PCYT1B: variants seen among roughly 807,000 people sequenced by gnomAD.
PCYT1B encodes the protein phosphate cytidylyltransferase 1B, choline, also known as choline-phosphate cytidylyltransferase B.
In PCYT1B, 10 loss-of-function variants were observed where a neutral mutation model predicts 26.4. The observed-to-expected ratio is 0.38, with a 90% CI of 0.23 to 0.64. The LOEUF (loss-of-function observed/expected upper bound fraction) is 0.64, where lower values mean the gene tolerates loss of function less well. Ranked by LOEUF, PCYT1B falls within the 30% of genes least tolerant of loss-of-function variation. The pLI is 0.56. For missense variants in PCYT1B, 161 were observed against 292.7 expected (o/e 0.55, Z 3.28); for synonymous variants, 131 against 108.4 (o/e 1.21, Z -1.29).
intron 1 of PCYT1B, among the ~76,000 whole-genome samples, chrX:24,668,263 TTA>T (rs1037350886): frequency 1.8e-5 from 2 of 111,479 alleles, no homozygotes; most frequent in African/African-American, 6.5e-5. Context: ...GCTGAAAGAT[TTA>T]GTTTCCAAAG....
chrX:24,613,950 CAAAAAAA>C (rs200062439), intron 2 of PCYT1B, among the ~76,000 whole-genome samples: 2 of 77,218 alleles, frequency 2.6e-5, no homozygotes, highest in East Asian at 3.9e-4. Context: ...AACAACCTGT[CAAAAAAA>C]AAAAAAAAAA....
intron 3 of PCYT1B, among the ~76,000 whole-genome samples, chrX:24,604,856 T>C (rs1265152730): frequency 8.9e-6 from 1 of 112,078 alleles, no homozygotes; most frequent in African/African-American, 3.2e-5. Context: ...GTCATCCAAG[T>C]AGTTCAATAT....
chrX:24,633,120 G>A (rs1397676726), intron 1 of PCYT1B, among the ~76,000 whole-genome samples: 1 of 97,970 alleles, frequency 1.0e-5, no homozygotes, highest in African/African-American at 3.8e-5. Flanking sequence ...TGAGGCAAGA[G>A]AATCACTTGA....
chrX:24,595,708 C>T (rs1490604316), intron 3 of PCYT1B, among the ~76,000 whole-genome samples: 1 of 109,823 alleles, frequency 9.1e-6, no homozygotes, highest in Non-Finnish European at 1.9e-5. Flanking sequence ...GGTGAAACCC[C>T]GTCTCTACTA....
chrX:24,562,066 G>C lies in PCYT1B; in HGVS notation c.*227C>G, dbSNP rs1189920406. 8.3e-7 allele frequency: 1 copy of C among 1,201,693 alleles called. No individual in the cohort carries two copies. Among genetic ancestry groups the C allele is most frequent in the Non-Finnish European group, 1.1e-6 (1 of 888,040 alleles). ...GGTTAGAGTGACTCTAGACGCTAAG[G>C]TTTGTGTAGGTTGTCCAGCTAGAAG... On this transcript the variant is annotated 3_prime_UTR_variant, in exon 8 of 8. Transcript: ENST00000379144.
intron 7 of PCYT1B, among the ~76,000 whole-genome samples, chrX:24,563,467 G>A (rs768009332): frequency 7.1e-5 from 8 of 112,035 alleles, no homozygotes; most frequent in Non-Finnish European, 1.5e-4. Context: ...GCAGGGCACC[G>A]CGGCTGCCTT....
intron 1 of PCYT1B, among the ~76,000 whole-genome samples, chrX:24,627,459 A>C (rs1245271802): frequency 2.7e-5 from 3 of 111,201 alleles, no homozygotes; most frequent in African/African-American, 9.8e-5. Context: ...TCAGCCTCCC[A>C]ACTAGCTGGG....
At chrX:24,672,133 G>C (rs1569262348) in intron 1 of PCYT1B, among the ~76,000 whole-genome samples, 1 of 112,347 alleles carries the variant, frequency 8.9e-6, no homozygotes, top group East Asian at 2.8e-4. Context: ...TTGCACTCCA[G>C]CCTGGGCAGC....
At chrX:24,635,176 TA>T (rs1926233152) in intron 1 of PCYT1B, among the ~76,000 whole-genome samples, 4 of 112,338 alleles carry the variant, frequency 3.6e-5, no homozygotes, top group Non-Finnish European at 7.5e-5. Flanking sequence ...CATGTAACGA[TA>T]AATGTTTAGA....
intron 1 of PCYT1B, chrX:24,632,227 G>A (rs1298825104): frequency 1.8e-5 from 2 of 113,486 alleles, no homozygotes; most frequent in East Asian, 5.3e-4. Flanking sequence ...TCTCAGTATA[G>A]TTATTGATTT....
At chrX:24,578,999 G>A (rs1180727799) in intron 6 of PCYT1B, among the ~76,000 whole-genome samples, 1 of 110,906 alleles carries the variant, frequency 9.0e-6, no homozygotes, top group East Asian at 2.8e-4. Context: ...AAAGCGTTAA[G>A]GACACTGCAC....
chrX:24,645,366 A>ATG (rs1390684361), intron 1 of PCYT1B, among the ~76,000 whole-genome samples: 1 of 109,869 alleles, frequency 9.1e-6, no homozygotes, highest in Non-Finnish European at 1.9e-5. Context: ...ATATGTATAT[A>ATG]TGTGTGTATA....
intron 4 of PCYT1B, among the ~76,000 whole-genome samples, chrX:24,589,145 G>A (rs1449645422): frequency 1.8e-5 from 2 of 111,253 alleles, no homozygotes; most frequent in Admixed American, 1.9e-4. Context: ...GTAAAAATGT[G>A]GTAGTGATTA....
chrX:24,619,648 G>A (rs897534009), intron 1 of PCYT1B, among the ~76,000 whole-genome samples: 1 of 112,224 alleles, frequency 8.9e-6, no homozygotes, highest in African/African-American at 3.2e-5. Flanking sequence ...CTTGGCCAAT[G>A]ACAAACTCTG....
chrX:24,625,996 C>T (rs1414736815), intron 1 of PCYT1B, among the ~76,000 whole-genome samples: 4 of 108,476 alleles, frequency 3.7e-5, no homozygotes, highest in African/African-American at 1.3e-4. Flanking sequence ...CACCTGTAAT[C>T]CCAGCTACTT....
chrX:24,670,261 A>G (rs1042782606), intron 1 of PCYT1B, among the ~76,000 whole-genome samples: 1 of 112,138 alleles, frequency 8.9e-6, no homozygotes, highest in African/African-American at 3.2e-5. Context: ...AAGTACCAAA[A>G]TTAAACATGT....
At chrX:24,624,159 C>T (rs1313959779) in intron 1 of PCYT1B, among the ~76,000 whole-genome samples, 3 of 109,339 alleles carry the variant, frequency 2.7e-5, no homozygotes, top group Non-Finnish European at 3.8e-5. Flanking sequence ...TTAGTAGAGA[C>T]AGGGTTTCAC....
At chrX:24,623,160 T>A (rs1170005144) in intron 1 of PCYT1B, among the ~76,000 whole-genome samples, 2 of 110,180 alleles carry the variant, frequency 1.8e-5, no homozygotes, top group Non-Finnish European at 3.8e-5. Flanking sequence ...CGTTTTAGAA[T>A]GGGAGAAGGT....
intron 1 of PCYT1B, among the ~76,000 whole-genome samples, chrX:24,629,198 G>A (rs1398863995): frequency 5.4e-5 from 6 of 111,747 alleles, no homozygotes; most frequent in African/African-American, 1.9e-4. Context: ...CTATTGTTGA[G>A]AATAAGTATC....
Sources: allele counts gnomAD v4.1 joint callset (sites outside exome capture counted in the v4.1 genomes callset), GRCh38; gene constraint gnomAD v4.1.1; transcripts MANE v1.5; gene names NCBI Gene and HGNC (gene_info 2026-07-23, HGNC 2026-07-21).